The following DHRSX variants were observed in gnomAD, a reference collection of about 807,000 sequenced individuals.
DHRSX encodes the protein dehydrogenase/reductase X-linked, also known as polyprenol dehydrogenase.
DHRSX carries 31 observed loss-of-function variants against 34.0 expected under a neutral mutation model. That is an observed-to-expected ratio of 0.91 (90% CI 0.69 to 1.23). The LOEUF (loss-of-function observed/expected upper bound fraction) is 1.23. Among genes scored for constraint, DHRSX ranks in the 50% most tolerant of loss-of-function variants. DHRSX has a pLI of 0.00. For missense variants in DHRSX, 414 were observed against 428.1 expected (o/e 0.97, Z 0.29); for synonymous variants, 201 against 183.8 (o/e 1.09, Z -0.76).
chrX:2,230,951 A>C (rs1452679119), intron 6 of DHRSX, among the ~76,000 whole-genome samples: 1 of 152,206 alleles, frequency 6.6e-6, no homozygotes, highest in East Asian at 1.9e-4. Context: ...TCTCAATGGC[A>C]GAGAGTCTGG....
chrX:2,307,529 C>T (rs1331219081), intron 3 of DHRSX, among the ~76,000 whole-genome samples: 9 of 151,848 alleles, frequency 5.9e-5, no homozygotes, highest in East Asian at 1.9e-4. Flanking sequence ...TTTGGGAGGC[C>T]GAGGCGGGTG....
At chrX:2,477,921 G>C (rs370261500) in intron 1 of DHRSX, among the ~76,000 whole-genome samples, 75 of 151,926 alleles carry the variant, frequency 4.9e-4, no homozygotes, top group Admixed American at 7.2e-4. Context: ...CCCCGGGCCC[G>C]GGAAATGCAC....
At chrX:2,432,068 C>T (rs1352914808) in intron 1 of DHRSX, among the ~76,000 whole-genome samples, 1 of 151,988 alleles carries the variant, frequency 6.6e-6, no homozygotes, top group Non-Finnish European at 1.5e-5. Context: ...GTGTGTGCCA[C>T]CTGTAATCCC....
At chrX:2,345,873 A>G (rs1451419996) in intron 3 of DHRSX, among the ~76,000 whole-genome samples, 2 of 152,076 alleles carry the variant, frequency 1.3e-5, no homozygotes, top group South Asian at 2.1e-4. Flanking sequence ...TACCCCATAC[A>G]TCTTGAGACT....
At chrX:2,308,310 G>C (rs1638765057) in intron 3 of DHRSX, among the ~76,000 whole-genome samples, 1 of 152,008 alleles carries the variant, frequency 6.6e-6, no homozygotes, top group South Asian at 2.1e-4. Flanking sequence ...CTGTGAAAAA[G>C]GTGATGTCTG....
At chrX:2,438,543 C>T (rs1193685526) in intron 1 of DHRSX, among the ~76,000 whole-genome samples, 3 of 151,942 alleles carry the variant, frequency 2.0e-5, no homozygotes, top group East Asian at 3.9e-4. Context: ...AGATGGCTGG[C>T]GCCTGTAATC....
intron 3 of DHRSX, among the ~76,000 whole-genome samples, chrX:2,398,979 A>G (rs2043449180): frequency 6.6e-6 from 1 of 152,040 alleles, no homozygotes; most frequent in Non-Finnish European, 1.5e-5. Context: ...CAGCCTCCCG[A>G]GTAGCTGGGA....
intron 3 of DHRSX, among the ~76,000 whole-genome samples, chrX:2,361,975 T>C (rs1429661748): frequency 6.6e-6 from 1 of 152,192 alleles, no homozygotes; most frequent in Non-Finnish European, 1.5e-5. Context: ...TTTAATTTTC[T>C]TCCCAAGGAG....
intron 5 of DHRSX, among the ~76,000 whole-genome samples, chrX:2,264,087 A>G (rs2041403171): frequency 6.6e-6 from 1 of 152,232 alleles, no homozygotes; most frequent in Non-Finnish European, 1.5e-5. Flanking sequence ...AAATAAAGTA[A>G]CAATACCATC....
chrX:2,489,024 C>A, intron 1 of DHRSX: 1 of 1,612,856 alleles, frequency 6.2e-7, no homozygotes. Flanking sequence ...ACCACCTGGG[C>A]ATGCCACTCT....
intron 3 of DHRSX, among the ~76,000 whole-genome samples, chrX:2,346,990 T>C (rs1047329725): frequency 3.3e-5 from 5 of 152,218 alleles, no homozygotes; most frequent in Non-Finnish European, 5.9e-5. Flanking sequence ...CATTCTTTTT[T>C]ATGGCTGCAT....
chrX:2,275,605 A>G (rs1333462335), intron 4 of DHRSX, among the ~76,000 whole-genome samples: 1 of 151,742 alleles, frequency 6.6e-6, no homozygotes, highest in Admixed American at 6.6e-5. Flanking sequence ...CGCCTCCCAC[A>G]TCTGCACCCC....
chrX:2,271,767 G>T (rs144336768), intron 4 of DHRSX, among the ~76,000 whole-genome samples: 1 of 152,050 alleles, frequency 6.6e-6, no homozygotes, highest in African/African-American at 2.4e-5. Context: ...AGCCCGGCCC[G>T]GTGGGTCATG....
At chrX:2,488,973 G>C in intron 1 of DHRSX, 1 of 1,599,736 alleles carries the variant, frequency 6.3e-7, no homozygotes, top group Non-Finnish European at 8.5e-7. Flanking sequence ...TCTTCGTTGA[G>C]GCCAAGCACC....
intron 1 of DHRSX, among the ~76,000 whole-genome samples, chrX:2,492,473 G>A (rs143539448): frequency 0.013 from 2,045 of 151,968 alleles, 48 homozygotes; most frequent in East Asian, 0.084. Context: ...ACAGTGGCCC[G>A]CAGAAAGATC....
chrX:2,436,440 A>G (rs1010946908), intron 1 of DHRSX, among the ~76,000 whole-genome samples: 1 of 148,220 alleles, frequency 6.7e-6, no homozygotes, highest in Non-Finnish European at 1.5e-5. Flanking sequence ...TGGCAAAAGC[A>G]GCAATTACTT....
intron 3 of DHRSX, among the ~76,000 whole-genome samples, chrX:2,301,971 G>C (rs1012661935): frequency 1.3e-5 from 2 of 151,970 alleles, no homozygotes; most frequent in African/African-American, 4.8e-5. Context: ...AGACCAACCC[G>C]TGGGGTCCCG....
At chrX:2,364,201 C>T (rs1299924932) in intron 3 of DHRSX, among the ~76,000 whole-genome samples, 1 of 152,184 alleles carries the variant, frequency 6.6e-6, no homozygotes, top group Non-Finnish European at 1.5e-5. Flanking sequence ...TAGGGATCTA[C>T]ATCAGTGGTT....
chrX:2,345,602 G>A (rs187596293), intron 3 of DHRSX, among the ~76,000 whole-genome samples: 15 of 147,144 alleles, frequency 1.0e-4, no homozygotes, highest in East Asian at 2.0e-4. Context: ...AGCCAAGATC[G>A]CACCGAGATC....
Sources: gnomAD v4.1 joint callset for allele counts (sites outside exome capture counted in the v4.1 genomes callset) on GRCh38, gnomAD v4.1.1 for gene constraint, MANE v1.5 for transcripts, NCBI Gene and HGNC (gene_info 2026-07-23, HGNC 2026-07-21) for gene names.